DLGAP1: variants seen among roughly 807,000 people sequenced by gnomAD.
DLGAP1 encodes DLG associated protein 1, also known as disks large-associated protein 1.
Under a neutral mutation model 90.8 loss-of-function variants are expected in DLGAP1, and 11 were observed. The observed-to-expected ratio is 0.12, with a 90% CI of 0.08 to 0.20. The LOEUF (loss-of-function observed/expected upper bound fraction) is 0.20. Among genes scored for constraint, DLGAP1 ranks in the 10% least tolerant of loss-of-function variants. The pLI, the probability that DLGAP1 is intolerant of heterozygous loss-of-function variation, is 1.00. For missense variants in DLGAP1, 1,050 were observed against 1,333.8 expected (o/e 0.79, Z 3.31); for synonymous variants, 558 against 540.7 (o/e 1.03, Z -0.44).
At chr18:3,749,203 G>A (rs2063397365) in intron 5 of DLGAP1, among the ~76,000 whole-genome samples, 1 of 140,330 alleles carries the variant, frequency 7.1e-6, no homozygotes, top group East Asian at 2.2e-4. Context: ...AGGCTGGAGT[G>A]CAGTGGTGCA....
intron 10 of DLGAP1, among the ~76,000 whole-genome samples, chr18:3,531,211 T>G (rs975127984): frequency 6.6e-6 from 1 of 151,906 alleles, no homozygotes; most frequent in Non-Finnish European, 1.5e-5. Flanking sequence ...CCGAGACGGG[T>G]GGATCACCTG....
rs1048016053 is a variant in DLGAP1 at position 4,045,406 on chromosome 18, T to G, written c.-158-40205A>C. Among the ~76,000 whole-genome samples, 7 of 108,422 alleles carry G rather than the reference T, an allele frequency of 6.5e-5. No homozygotes were observed. The East Asian group carries it at 1.6e-3, about 25-fold the overall frequency. The allele number at this position is 108,422 out of a possible 152,430, so 71.1% of individuals were successfully genotyped here. ...TCTTGGAAATAGAGATCACAGCCTGTGTAACATAGAAAGACCCCATCTCTA... is the reference window on the plus strand; with the variant it reads ...TCTTGGAAATAGAGATCACAGCCTGGGTAACATAGAAAGACCCCATCTCTA... On this transcript the variant is annotated intron_variant, in intron 2 of 12. Coordinates refer to ENST00000315677, the MANE Select transcript of DLGAP1 (RefSeq NM_004746.4).
At chr18:4,056,615 G>T (rs1483467237) in intron 2 of DLGAP1, among the ~76,000 whole-genome samples, 1 of 152,244 alleles carries the variant, frequency 6.6e-6, no homozygotes, top group African/African-American at 2.4e-5. Flanking sequence ...GTCAAGGACT[G>T]TTACTTCATC....
chr18:4,328,462 A>G (rs762036634), intron 1 of DLGAP1, among the ~76,000 whole-genome samples: 1 of 152,000 alleles, frequency 6.6e-6, no homozygotes, highest in Non-Finnish European at 1.5e-5. Flanking sequence ...ATGGGCACTT[A>G]GAGTTGTTTC....
chr18:4,051,546 C>A (rs534501751), intron 2 of DLGAP1, among the ~76,000 whole-genome samples: 1 of 152,352 alleles, frequency 6.6e-6, no homozygotes, highest in South Asian at 2.1e-4. Context: ...TTACTTCCCA[C>A]TGGGTCCCTC....
rs1568277692 is a variant in DLGAP1, at chr18:3,600,749, T to TATAGAG, written c.1592-18502_1592-18501insCTCTAT. Among the ~76,000 whole-genome samples the TATAGAG allele has an allele frequency of 7.7e-4, 10 of 12,932 alleles. No individual in the cohort carries two copies. In the South Asian group the frequency reaches 0.012, roughly 15 times the overall value. 8.5% of individuals were successfully genotyped at this position (12,932 alleles called of 152,430 possible). ...ATATAGATATATATAGATATATAGA[T>TATAGAG]ATATATAGATATATAGATATATATA... is the stretch of plus-strand genomic sequence containing the variant. On this transcript the variant is annotated intron_variant, in intron 7 of 12. Coordinates refer to ENST00000315677, the MANE Select transcript of DLGAP1 (RefSeq NM_004746.4).
chr18:3,670,050 C>G (rs183553382), intron 7 of DLGAP1, among the ~76,000 whole-genome samples: 2 of 152,242 alleles, frequency 1.3e-5, no homozygotes, highest in African/African-American at 4.8e-5. Flanking sequence ...AACAAGGGAA[C>G]CTTTCCCATT....
chr18:3,769,402 G>C (rs1367149460), intron 5 of DLGAP1, among the ~76,000 whole-genome samples: 1 of 152,136 alleles, frequency 6.6e-6, no homozygotes, highest in Non-Finnish European at 1.5e-5. Flanking sequence ...CTGGGAATTT[G>C]TCTTAGAGAA....
Position 4,080,806 on chromosome 18 carries a change from G to C in DLGAP1, c.-159+70374C>G, listed in dbSNP as rs375466694. ...GCCACCATTCTTTCTGTAACCTCAA[G>C]GTGATATATAAGCTTCTGAGCCCCA... On this transcript the variant is annotated intron_variant, in intron 2 of 12. Coordinates refer to ENST00000315677, the MANE Select transcript of DLGAP1 (RefSeq NM_004746.4). 5.6e-4 allele frequency among the ~76,000 whole-genome samples: 85 copies of C among 151,998 alleles called. 1 individual carries two copies. In the South Asian group the frequency reaches 0.017, roughly 31 times the overall value.
chr18:4,349,996 G>T (rs1029463570), intron 1 of DLGAP1, among the ~76,000 whole-genome samples: 2 of 152,042 alleles, frequency 1.3e-5, no homozygotes, highest in Non-Finnish European at 2.9e-5. Flanking sequence ...TAGTTTAAAC[G>T]TGCCATTTTA....
At chr18:3,929,243 G>T (rs1283075867) in intron 3 of DLGAP1, among the ~76,000 whole-genome samples, 6 of 152,166 alleles carry the variant, frequency 3.9e-5, no homozygotes. Flanking sequence ...AGTAAAGTAA[G>T]GTTGTTTGCC....
chr18:3,893,807 A>AG (rs1351663175), intron 3 of DLGAP1, among the ~76,000 whole-genome samples: 1 of 151,960 alleles, frequency 6.6e-6, no homozygotes, highest in African/African-American at 2.4e-5. Flanking sequence ...TTTTTCATAG[A>AG]GGTTATACTA....
At chr18:4,307,268 C>T (rs2080284652) in intron 1 of DLGAP1, among the ~76,000 whole-genome samples, 1 of 152,086 alleles carries the variant, frequency 6.6e-6, no homozygotes, top group African/African-American at 2.4e-5. Context: ...ATATTTAAGA[C>T]ATTCCAGAAG....
intron 5 of DLGAP1, among the ~76,000 whole-genome samples, chr18:3,787,661 C>T (rs1048334988): frequency 2.6e-5 from 4 of 152,036 alleles, no homozygotes; most frequent in South Asian, 2.1e-4. Flanking sequence ...AGTTTTACCT[C>T]GTTCTTACCG....
intron 7 of DLGAP1, among the ~76,000 whole-genome samples, chr18:3,723,204 T>C (rs968607468): frequency 6.6e-6 from 1 of 152,202 alleles, no homozygotes; most frequent in African/African-American, 2.4e-5. Context: ...AACTTCTGTT[T>C]ACAGATAGCA....
At chr18:4,071,481 C>T (rs200733720) in intron 2 of DLGAP1, among the ~76,000 whole-genome samples, 2 of 117,658 alleles carry the variant, frequency 1.7e-5, no homozygotes, top group African/African-American at 6.0e-5. Flanking sequence ...ATTTCAAGCA[C>T]AACTAACCAA....
intron 3 of DLGAP1, among the ~76,000 whole-genome samples, chr18:3,957,404 G>A (rs1184411585): frequency 6.6e-6 from 1 of 152,184 alleles, no homozygotes; most frequent in Non-Finnish European, 1.5e-5. Flanking sequence ...CTCTGGAACT[G>A]TGGAATGACA....
intron 7 of DLGAP1, among the ~76,000 whole-genome samples, chr18:3,650,043 T>TA (rs2059241304): frequency 1.3e-5 from 2 of 152,138 alleles, no homozygotes; most frequent in African/African-American, 4.8e-5. Context: ...TACTGTTTTT[T>TA]GTTTTTTTAT....
intron 4 of DLGAP1, among the ~76,000 whole-genome samples, chr18:3,817,015 T>A (rs2067140198): frequency 6.6e-6 from 1 of 152,254 alleles, no homozygotes; most frequent in African/African-American, 2.4e-5. Flanking sequence ...AGAACAGTCT[T>A]GTTTTCCTTG....
Sources: gnomAD v4.1 joint callset for allele counts (sites outside exome capture counted in the v4.1 genomes callset) on GRCh38, gnomAD v4.1.1 for gene constraint, MANE v1.5 for transcripts, NCBI Gene and HGNC (gene_info 2026-07-23, HGNC 2026-07-21) for gene names.